The following EIPR1 variants were observed in gnomAD, a reference collection of about 807,000 sequenced individuals.
EIPR1 encodes the protein EARP complex and GARP complex interacting protein 1.
EIPR1 carries 25 observed loss-of-function variants against 48.1 expected under a neutral mutation model. The ratio of observed to expected loss-of-function variants is 0.52; its 90% confidence interval spans 0.38 to 0.73. The LOEUF (loss-of-function observed/expected upper bound fraction) is 0.73, where lower values mean the gene tolerates loss of function less well. Among genes scored for constraint, EIPR1 ranks in the 30% least tolerant of loss-of-function variants. The pLI is 0.00. For missense variants in EIPR1, 415 were observed against 506.2 expected (o/e 0.82, Z 1.73); for synonymous variants, 204 against 201.9 (o/e 1.01, Z -0.09).
chr2:3,249,394 G>GA (rs767349464), intron 4 of EIPR1, among the ~76,000 whole-genome samples: 53 of 152,184 alleles, frequency 3.5e-4, no homozygotes, highest in Admixed American at 1.2e-3. Context: ...TCTGGCAGAA[G>GA]ACATTTCTCA....
intron 3 of EIPR1, among the ~76,000 whole-genome samples, chr2:3,310,874 A>AT (rs1042951186): frequency 1.4e-4 from 21 of 151,136 alleles, no homozygotes; most frequent in South Asian, 2.1e-4. Flanking sequence ...AAATCAATCA[A>AT]TTTTTTTTTC....
At chr2:3,207,815 T>C in intron 5 of EIPR1, 1 of 152,356 alleles carries the variant, frequency 6.6e-6, no homozygotes, top group Non-Finnish European at 1.5e-5. Flanking sequence ...GGAAGACTAA[T>C]AAGAAAATGC....
chr2:3,272,310 T>A (rs932148032), intron 3 of EIPR1, among the ~76,000 whole-genome samples: 38 of 152,260 alleles, frequency 2.5e-4, no homozygotes, highest in Non-Finnish European at 5.9e-5. Flanking sequence ...CTTCAAGAAC[T>A]TTCCCTTTGC....
At position 3,189,474 on chromosome 2, in the gene EIPR1, T is replaced by G; in HGVS notation, c.1024A>C (p.Thr342Pro). 2.5e-6 allele frequency: 4 copies of G among 1,572,432 alleles called. No individual in the cohort carries two copies. The highest frequency in any genetic ancestry group is 1.3e-5 in the African/African-American group (1 of 74,590). ...ACGCTGTCCTCGTGCTCCTCGTAGG[T>G]GGCGATCACGTTGTCCTGCAGGGGC... is the stretch of plus-strand genomic sequence containing the variant. ...KEPLQDNVIA[T>P]YEEHEDSVYA... is the part of the protein sequence containing the mutation. Residue 342 changes from threonine (T) to proline (P), a missense_variant, in exon 9 of 9, where the codon ACC becomes CCC. Thr to Pro is a conservative substitution (Grantham distance 38). Coordinates refer to ENST00000382125, the MANE Select transcript of EIPR1 (RefSeq NM_003310.5). The surrounding 1 kb of genome is among the most constrained non-coding windows in gnomAD (Gnocchi z 4.6).
At chr2:3,356,219 G>A (rs1407278197) in intron 1 of EIPR1, among the ~76,000 whole-genome samples, 1 of 152,232 alleles carries the variant, frequency 6.6e-6, no homozygotes, top group African/African-American at 2.4e-5. Flanking sequence ...GGCTTTTCCT[G>A]AGGAGGGGTG....
rs3894200 is a variant in EIPR1, at chr2:3,257,022, C to G, written c.416+277G>C. Among the ~76,000 whole-genome samples the G allele has an allele frequency of 7.2e-3, 1,093 of 152,312 alleles. 14 individuals are homozygous for G. Among genetic ancestry groups the G allele is most frequent in the African/African-American group, 0.025 (1,057 of 41,556 alleles). On this transcript the variant is annotated intron_variant, in intron 4 of 8. Transcript: ENST00000382125. Reference sequence around the variant, plus strand: ...CACAGCGCTCGAGGGCAGTGCAGTGCCTGACCCTTTACCCTCTGGCAGGTC... The same window carrying G: ...CACAGCGCTCGAGGGCAGTGCAGTGGCTGACCCTTTACCCTCTGGCAGGTC...
intron 3 of EIPR1, among the ~76,000 whole-genome samples, chr2:3,277,340 C>G (rs1298982086): frequency 2.0e-5 from 3 of 152,204 alleles, no homozygotes; most frequent in Admixed American, 6.5e-5. Context: ...GAAACTACAA[C>G]TGGAAACGGT....
At chr2:3,300,355 C>T (rs900411367) in intron 3 of EIPR1, among the ~76,000 whole-genome samples, 2 of 152,204 alleles carry the variant, frequency 1.3e-5, no homozygotes, top group African/African-American at 4.8e-5. Context: ...CTTTCCAGCA[C>T]AGGTCTATCT....
At position 3,345,299 on chromosome 2, in the gene EIPR1, T is replaced by C. The variant is rs535954152; in HGVS notation, c.127-7150A>G. ...TAGAACTCTATAAAAAAAAAATTAT[T>C]GGGGCATAATCAATATATTGAGACC... On this transcript the variant is annotated intron_variant, in intron 2 of 8. Coordinates refer to ENST00000382125, the MANE Select transcript of EIPR1 (RefSeq NM_003310.5). Among the ~76,000 whole-genome samples the C allele has an allele frequency of 3.0e-3, 459 of 152,062 alleles. 2 individuals are homozygous for C. The highest frequency in any genetic ancestry group is 5.7e-3 in the Non-Finnish European group (389 of 67,964).
chr2:3,366,750 T>C (rs1670982258), intron 1 of EIPR1, among the ~76,000 whole-genome samples: 2 of 152,214 alleles, frequency 1.3e-5, no homozygotes, highest in South Asian at 4.1e-4. Context: ...TGTTTTGAAT[T>C]TTTTGTATTA....
chr2:3,191,577 AG>A (rs1231431391), intron 8 of EIPR1, among the ~76,000 whole-genome samples: 1 of 152,234 alleles, frequency 6.6e-6, no homozygotes, highest in East Asian at 1.9e-4. Context: ...ATCGTATCTA[AG>A]GGCTCTGTCC....
chr2:3,363,728 G>A (rs1002535831), intron 1 of EIPR1, among the ~76,000 whole-genome samples: 1 of 150,572 alleles, frequency 6.6e-6, no homozygotes, highest in African/African-American at 2.4e-5. Context: ...CACAGAATGG[G>A]GTAAAGATTT....
intron 1 of EIPR1, among the ~76,000 whole-genome samples, chr2:3,373,047 T>C (rs60543895): frequency 1.3e-5 from 2 of 152,206 alleles, no homozygotes; most frequent in African/African-American, 4.8e-5. Context: ...CAAGCGGGCT[T>C]CATCCCTGGG....
At chr2:3,364,593 C>A (rs1670930560) in intron 1 of EIPR1, among the ~76,000 whole-genome samples, 1 of 151,542 alleles carries the variant, frequency 6.6e-6, no homozygotes, top group Admixed American at 6.6e-5. Flanking sequence ...CGAGATTGTA[C>A]CACTGCACTC....
In EIPR1 at chr2:3,373,976, C is replaced by G. The variant is rs959929818; in HGVS notation, c.42+3672G>C. Among the ~76,000 whole-genome samples the G allele has an allele frequency of 1.4e-4, 21 of 148,732 alleles. 1 individual carries two copies. Among genetic ancestry groups the G allele is most frequent in the Non-Finnish European group, 2.4e-4 (16 of 66,734 alleles). ...AGGCATCACGCTACCTGACTTCAAA[C>G]TATACTACAAGGCTACAGTAACCAA... is the stretch of plus-strand genomic sequence containing the variant. On this transcript the variant is annotated intron_variant, in intron 1 of 8. Coordinates refer to ENST00000382125, the MANE Select transcript of EIPR1 (RefSeq NM_003310.5).
chr2:3,342,563 C>T (rs1670284304), intron 2 of EIPR1, among the ~76,000 whole-genome samples: 1 of 152,278 alleles, frequency 6.6e-6, no homozygotes, highest in Admixed American at 6.5e-5. Context: ...AGCAGACCCT[C>T]TCTCCCAGTC....
intron 3 of EIPR1, chr2:3,319,858 C>G: frequency 9.0e-6 from 1 of 111,076 alleles, no homozygotes; most frequent in Non-Finnish European, 1.8e-5. Context: ...GCAACACCAC[C>G]CCTGCGGGCA....
At chr2:3,194,234 G>T in intron 6 of EIPR1, 68 bp from the exon 7 acceptor site, 1 of 1,572,168 alleles carries the variant, frequency 6.4e-7, no homozygotes, top group Non-Finnish European at 8.7e-7. Flanking sequence ...GCGTGCTGCG[G>T]GCACACACTG....
chr2:3,227,106 A>C (rs1666088781), intron 4 of EIPR1, among the ~76,000 whole-genome samples: 1 of 152,224 alleles, frequency 6.6e-6, no homozygotes, highest in Admixed American at 6.5e-5. Flanking sequence ...AAAATGTGGA[A>C]GTGACATTAG....
Sources: allele counts gnomAD v4.1 joint callset (sites outside exome capture counted in the v4.1 genomes callset), GRCh38; gene constraint gnomAD v4.1.1; non-coding constraint Gnocchi (gnomAD v3.1); transcripts MANE v1.5; gene names NCBI Gene and HGNC (gene_info 2026-07-23, HGNC 2026-07-21).